The following PIP5K1B variants were observed in gnomAD, a reference collection of about 807,000 sequenced individuals.
PIP5K1B encodes phosphatidylinositol 4-phosphate 5-kinase type-1 beta.
Under a neutral mutation model 67.0 loss-of-function variants are expected in PIP5K1B, and 42 were observed. That is an observed-to-expected ratio of 0.63 (90% confidence interval 0.49 to 0.81). The LOEUF is 0.81. PIP5K1B is among the 30% of genes least tolerant of loss of function. PIP5K1B has a pLI of 0.00. For synonymous variants in PIP5K1B, 214 were observed against 231.4 expected (o/e 0.92, Z 0.68); for missense variants, 459 against 646.3 (o/e 0.71, Z 3.14).
At chr9:68,998,724 G>A (rs1012923373) in intron 15 of PIP5K1B, among the ~76,000 whole-genome samples, 3 of 152,160 alleles carry the variant, frequency 2.0e-5, no homozygotes, top group African/African-American at 7.2e-5. Context: ...AACAAGTTTA[G>A]ATCACACCCA....
intron 4 of PIP5K1B, among the ~76,000 whole-genome samples, chr9:68,859,398 G>A (rs1453179772): frequency 6.6e-6 from 1 of 152,186 alleles, no homozygotes; most frequent in East Asian, 1.9e-4. Flanking sequence ...ATGCTTTAGA[G>A]GTTTTTCTAG....
intron 4 of PIP5K1B, among the ~76,000 whole-genome samples, chr9:68,859,284 A>G (rs993631244): frequency 7.2e-5 from 11 of 152,202 alleles, no homozygotes; most frequent in African/African-American, 2.7e-4. Context: ...TAGTATTACC[A>G]TCATATCTGA....
At chr9:68,762,257 C>A (rs1830219025) in intron 2 of PIP5K1B, among the ~76,000 whole-genome samples, 1 of 147,636 alleles carries the variant, frequency 6.8e-6, no homozygotes, top group East Asian at 2.0e-4. Flanking sequence ...TATTTCTAAT[C>A]AAAAATATCA....
intron 1 of PIP5K1B, among the ~76,000 whole-genome samples, chr9:68,717,505 G>A (rs1827691117): frequency 1.3e-5 from 2 of 152,194 alleles, no homozygotes; most frequent in South Asian, 4.1e-4. Flanking sequence ...TAGTTCTGGA[G>A]GCTAAGAGTC....
intron 2 of PIP5K1B, among the ~76,000 whole-genome samples, chr9:68,748,613 CTTTTTTTTTTTT>C (rs58954806): frequency 1.0e-5 from 1 of 98,300 alleles, no homozygotes; most frequent in Admixed American, 1.3e-4. Flanking sequence ...GATTTCTTTT[CTTTTTTTTTTTT>C]TTTTTTTTTG....
At chr9:68,799,539 T>C (rs954351748) in intron 2 of PIP5K1B, among the ~76,000 whole-genome samples, 1 of 152,060 alleles carries the variant, frequency 6.6e-6, no homozygotes, top group Non-Finnish European at 1.5e-5. Flanking sequence ...CTCATAAAAA[T>C]AGACATATAG....
chr9:68,944,602 A>T (rs951133872), intron 14 of PIP5K1B, among the ~76,000 whole-genome samples: 10 of 152,208 alleles, frequency 6.6e-5, no homozygotes, highest in African/African-American at 2.4e-4. Flanking sequence ...TCAGAGAAAA[A>T]GCCACTGGTC....
intron 2 of PIP5K1B, among the ~76,000 whole-genome samples, chr9:68,744,922 A>G (rs533402941): frequency 6.6e-6 from 1 of 152,164 alleles, no homozygotes; most frequent in African/African-American, 2.4e-5. Context: ...ATTGCTGTCC[A>G]GGTGGCCCTT....
At chr9:68,856,495 C>T (rs1453226748) in intron 4 of PIP5K1B, among the ~76,000 whole-genome samples, 2 of 152,182 alleles carry the variant, frequency 1.3e-5, no homozygotes, top group Non-Finnish European at 2.9e-5. Flanking sequence ...CTCTGAGACT[C>T]CATCATTCTT....
At chr9:68,723,530 C>T (rs192297657) in intron 1 of PIP5K1B, among the ~76,000 whole-genome samples, 8 of 151,980 alleles carry the variant, frequency 5.3e-5, no homozygotes, top group Non-Finnish European at 8.8e-5. Flanking sequence ...TTGGTAATAG[C>T]CATTCTTACT....
At chr9:68,819,358 C>G (rs1833615507) in intron 3 of PIP5K1B, among the ~76,000 whole-genome samples, 1 of 152,158 alleles carries the variant, frequency 6.6e-6, no homozygotes, top group Non-Finnish European at 1.5e-5. Flanking sequence ...ACTGCAGCCT[C>G]AAACTCCTGG....
At chr9:68,965,382 G>A (rs2132779190) in intron 14 of PIP5K1B, among the ~76,000 whole-genome samples, 1 of 152,294 alleles carries the variant, frequency 6.6e-6, no homozygotes, top group South Asian at 2.1e-4. Flanking sequence ...CTGATGGATA[G>A]TCTAGTTCTG....
At chr9:68,722,834 G>T (rs962098432) in intron 1 of PIP5K1B, among the ~76,000 whole-genome samples, 5 of 151,936 alleles carry the variant, frequency 3.3e-5, no homozygotes, top group African/African-American at 9.7e-5. Flanking sequence ...CTAGCTATTT[G>T]AAATATACAA....
At chr9:68,711,114 C>T (rs1253577382) in intron 1 of PIP5K1B, among the ~76,000 whole-genome samples, 2 of 152,162 alleles carry the variant, frequency 1.3e-5, no homozygotes, top group Non-Finnish European at 2.9e-5. Context: ...TAAGCCTTCA[C>T]CATTCAGTCA....
intron 2 of PIP5K1B, chr9:68,788,345 AT>A: frequency 1.1e-6 from 1 of 940,758 alleles, no homozygotes; most frequent in Non-Finnish European, 1.6e-6. Flanking sequence ...TTGGTCATGT[AT>A]TTTATGCCCT....
chr9:68,865,024 C>A (rs1248953043), intron 5 of PIP5K1B, among the ~76,000 whole-genome samples: 2 of 152,178 alleles, frequency 1.3e-5, no homozygotes, highest in African/African-American at 4.8e-5. Context: ...TGTGGACATG[C>A]AGTAACCCCC....
intron 3 of PIP5K1B, 199 bp from the exon 4 acceptor site, chr9:68,822,416 T>C: frequency 2.1e-6 from 1 of 485,796 alleles, no homozygotes; most frequent in Non-Finnish European, 3.7e-6. Context: ...GAAAATGTTT[T>C]AGATTTATTT....
At chr9:68,938,385 T>G (rs1319941567) in intron 13 of PIP5K1B, among the ~76,000 whole-genome samples, 5 of 152,194 alleles carry the variant, frequency 3.3e-5, no homozygotes, top group Admixed American at 3.3e-4. Context: ...TCTTTGTTGG[T>G]TTAAAGTCTG....
intron 15 of PIP5K1B, among the ~76,000 whole-genome samples, chr9:69,003,699 G>T (rs528773969): frequency 6.6e-6 from 1 of 152,274 alleles, no homozygotes; most frequent in Admixed American, 6.5e-5. Flanking sequence ...GGGAAGGCTT[G>T]AGAAAGGCAA....
Sources: gnomAD v4.1 joint callset for allele counts (sites outside exome capture counted in the v4.1 genomes callset) on GRCh38, gnomAD v4.1.1 for gene constraint, MANE v1.5 for transcripts, NCBI Gene and HGNC (gene_info 2026-07-23, HGNC 2026-07-21) for gene names.